The following NRXN1 variants were observed in gnomAD, a reference collection of about 807,000 sequenced individuals.
The protein encoded by NRXN1 is neurexin-1.
In NRXN1, 39 loss-of-function variants were observed where a neutral mutation model predicts 150.9. The ratio of observed to expected loss-of-function variants is 0.26; its 90% CI spans 0.20 to 0.34. The LOEUF (loss-of-function observed/expected upper bound fraction) is 0.34, where lower values mean the gene tolerates loss of function less well. Ranked by LOEUF, NRXN1 falls within the 10% of genes least tolerant of loss-of-function variation. The pLI, the probability that NRXN1 is intolerant of heterozygous loss-of-function variation, is 1.00. For missense variants in NRXN1, 1,815 were observed against 1,949.9 expected, an observed-to-expected ratio of 0.93 and a Z score of 1.30; for synonymous variants, 924 against 757.0, an observed-to-expected ratio of 1.22 and a Z score of -3.62.
intron 2 of NRXN1, among the ~76,000 whole-genome samples, chr2:50,977,311 C>A (rs984648849): frequency 1.3e-5 from 2 of 151,634 alleles, no homozygotes; most frequent in Non-Finnish European, 3.0e-5. Context: ...GAAAGAAAAT[C>A]TAATTTTTCA....
At position 50,497,834 on chromosome 2, in the gene NRXN1, T is replaced by C. The variant is rs1003327771; in HGVS notation, c.2498-120A>G. 14 of 838,000 alleles carry C rather than the reference T, an allele frequency of 1.7e-5. No homozygotes were observed. In the African/African-American group the frequency reaches 2.4e-4, roughly 14 times the overall value. 51.9% of individuals were successfully genotyped at this position (838,000 alleles called of 1,614,324 possible). A position where few individuals can be genotyped will look rare whatever the true frequency, so the allele number is the denominator to read the frequency against. On this transcript the variant is annotated intron_variant, in intron 13 of 22. Transcript: ENST00000401669. ...AGCCAAATCCCTCCTTGGTACTCAG[T>C]TGCATATAGGAAGAACACTTAAATG...
At chr2:50,438,235 G>T (rs576375310) in intron 17 of NRXN1, among the ~76,000 whole-genome samples, 133 of 152,306 alleles carry the variant, frequency 8.7e-4, no homozygotes, top group Middle Eastern at 3.4e-3. Flanking sequence ...GAAGTTAACT[G>T]AGTGTACAAG....
chr2:50,489,234 T>TCA (rs1318354561), intron 15 of NRXN1, among the ~76,000 whole-genome samples: 1 of 152,188 alleles, frequency 6.6e-6, no homozygotes, highest in Admixed American at 6.5e-5. Context: ...AGAGTTCAGC[T>TCA]AGTGTGCTGG....
intron 21 of NRXN1, among the ~76,000 whole-genome samples, chr2:50,024,520 C>G (rs1023892930): frequency 6.6e-6 from 1 of 152,044 alleles, no homozygotes; most frequent in Admixed American, 6.6e-5. Flanking sequence ...GGGCTTTTTT[C>G]TTTAAATCAA....
At chr2:49,970,655 A>AT (rs1339458376) in intron 21 of NRXN1, 8 of 152,278 alleles carry the variant, frequency 5.3e-5, no homozygotes, top group African/African-American at 1.9e-4. Flanking sequence ...AGAAGGTAAA[A>AT]TCAGTCTTTC....
chr2:50,506,803 C>G (rs1440471988), intron 12 of NRXN1, 186 bp from the exon 13 acceptor site: 5 of 598,856 alleles, frequency 8.3e-6, no homozygotes, highest in Admixed American at 6.1e-5. Context: ...GACCAATTTT[C>G]AAGCCCATTA....
intron 18 of NRXN1, among the ~76,000 whole-genome samples, chr2:50,165,101 C>T (rs1208898841): frequency 6.6e-6 from 1 of 152,114 alleles, no homozygotes; most frequent in East Asian, 1.9e-4. Context: ...CTCACAACCC[C>T]CTGAGGTTGC....
chr2:50,407,798 G>C (rs1025976155), intron 17 of NRXN1, among the ~76,000 whole-genome samples: 1 of 152,024 alleles, frequency 6.6e-6, no homozygotes, highest in Non-Finnish European at 1.5e-5. Context: ...GGAATTCTCA[G>C]CCTCCACAAC....
At chr2:50,225,667 G>A (rs1367766689) in intron 18 of NRXN1, among the ~76,000 whole-genome samples, 2 of 151,882 alleles carry the variant, frequency 1.3e-5, no homozygotes, top group Non-Finnish European at 2.9e-5. Context: ...GAGGAAGTAG[G>A]AGTACTTTAA....
chr2:50,613,794 C>A (rs1342232424), intron 8 of NRXN1, among the ~76,000 whole-genome samples: 1 of 151,930 alleles, frequency 6.6e-6, no homozygotes, highest in African/African-American at 2.4e-5. Context: ...AAAAATTACC[C>A]GGGCATGGTG....
At chr2:50,357,559 C>A (rs539628848) in intron 17 of NRXN1, among the ~76,000 whole-genome samples, 1 of 152,056 alleles carries the variant, frequency 6.6e-6, no homozygotes, top group Non-Finnish European at 1.5e-5. Context: ...CCACTCACCT[C>A]GGCCTCCCAA....
chr2:50,911,726 A>G (rs1684547662), intron 5 of NRXN1, among the ~76,000 whole-genome samples: 1 of 151,934 alleles, frequency 6.6e-6, no homozygotes, highest in Non-Finnish European at 1.5e-5. Context: ...ATCCTAAAAC[A>G]TATTACAAAG....
At chr2:50,222,630 C>G (rs2063984891) in intron 18 of NRXN1, among the ~76,000 whole-genome samples, 1 of 151,746 alleles carries the variant, frequency 6.6e-6, no homozygotes, top group Non-Finnish European at 1.5e-5. Flanking sequence ...AATTAAAATA[C>G]CCATCATTAG....
Position 51,028,285 on chromosome 2 carries a change from G to A in NRXN1, c.-12C>T. 1.4e-6 allele frequency: 2 copies of A among 1,429,188 alleles called. No individual in the cohort carries two copies. Among genetic ancestry groups the A allele is most frequent in the Non-Finnish European group, 1.8e-6 (2 of 1,096,016 alleles). 88.5% of individuals were successfully genotyped at this position (1,429,188 alleles called of 1,614,324 possible). On this transcript the variant is annotated 5_prime_UTR_variant, in exon 2 of 23. Coordinates refer to ENST00000401669, the MANE Select transcript of NRXN1 (RefSeq NM_001330078.2). ...AGCGCCGTCCCCATGCTCGGGGCTG[G>A]GGTGCGGCGGGGGGGTGCCGGGGCC...
intron 5 of NRXN1, among the ~76,000 whole-genome samples, chr2:50,685,374 CTG>C (rs1691070254): frequency 1.3e-5 from 2 of 152,142 alleles, no homozygotes; most frequent in Non-Finnish European, 2.9e-5. Flanking sequence ...GTTTCCTGAT[CTG>C]ACCTTACTGC....
chr2:50,355,769 T>A (rs1379922726), intron 17 of NRXN1, among the ~76,000 whole-genome samples: 1 of 152,214 alleles, frequency 6.6e-6, no homozygotes, highest in Non-Finnish European at 1.5e-5. Flanking sequence ...TGAGGATATG[T>A]AACAGTGTAT....
intron 21 of NRXN1, among the ~76,000 whole-genome samples, chr2:49,955,763 A>G (rs1674822590): frequency 6.6e-6 from 1 of 152,148 alleles, no homozygotes; most frequent in Non-Finnish European, 1.5e-5. Flanking sequence ...ATCTAACTAC[A>G]GGATGAAAGC....
chr2:51,026,732 T>C (rs188287338), intron 2 of NRXN1, among the ~76,000 whole-genome samples: 51 of 152,340 alleles, frequency 3.3e-4, no homozygotes, highest in Non-Finnish European at 5.4e-4. Flanking sequence ...AGAAATCTTA[T>C]TTAATCTCTA....
chr2:51,025,016 AATTATTC>A (rs1480112116), intron 2 of NRXN1, among the ~76,000 whole-genome samples: 1 of 152,128 alleles, frequency 6.6e-6, no homozygotes, highest in Admixed American at 6.5e-5. Flanking sequence ...ATTCTCAATT[AATTATTC>A]AATAGTCACT....
Sources: allele counts gnomAD v4.1 joint callset (sites outside exome capture counted in the v4.1 genomes callset), GRCh38; gene constraint gnomAD v4.1.1; transcripts MANE v1.5; gene names NCBI Gene and HGNC (gene_info 2026-07-23, HGNC 2026-07-21).